ENTPD7: variants seen among roughly 807,000 people sequenced by gnomAD.
The protein encoded by ENTPD7 is ectonucleoside triphosphate diphosphohydrolase 7.
ENTPD7 carries 53 observed loss-of-function variants against 77.9 expected under a neutral mutation model. The observed-to-expected ratio is 0.68, with a 90% confidence interval of 0.55 to 0.85. The LOEUF is 0.85. Among genes scored for constraint, ENTPD7 ranks in the 40% least tolerant of loss-of-function variants. ENTPD7 has a pLI of 0.00. For synonymous variants in ENTPD7, 248 were observed against 274.9 expected (o/e 0.90, Z 0.97); for missense variants, 636 against 743.7 (o/e 0.86, Z 1.68).
chr10:99,706,718 TTTTTC>T lies in ENTPD7; in HGVS notation c.*2040_*2044del, dbSNP rs748733892. On this transcript the variant is annotated 3_prime_UTR_variant, in exon 13 of 13. Transcript: ENST00000370489. ...TTGGTTTTTAAGACTTCTACATTGC[TTTTTC>T]TTTTATTATCTGTGCTCCGTGAACC... Among the ~76,000 whole-genome samples the T allele has an allele frequency of 2.3e-4, 35 of 152,200 alleles. No homozygotes were observed. The highest frequency in any genetic ancestry group is 4.3e-4 in the Non-Finnish European group (29 of 68,024).
rs2036289780 is a variant in ENTPD7 at position 99,708,218 on chromosome 10, G to A, written c.*3535G>A. Among the ~76,000 whole-genome samples, 1 of 150,782 alleles carries A rather than the reference G, an allele frequency of 6.6e-6. No homozygotes were observed. Among genetic ancestry groups the A allele is most frequent in the South Asian group, 2.1e-4 (1 of 4,796 alleles). On this transcript the variant is annotated 3_prime_UTR_variant, in exon 13 of 13. Coordinates refer to ENST00000370489, the MANE Select transcript of ENTPD7 (RefSeq NM_020354.5). Reference sequence around the variant, plus strand: ...AACTTCAAGATCATATCCAGTGATTGCTGAAAAATGTCTGCCATGCACTTG... The same window carrying A: ...AACTTCAAGATCATATCCAGTGATTACTGAAAAATGTCTGCCATGCACTTG...
Position 99,679,800 on chromosome 10 carries a change from A to T in ENTPD7, c.473A>T (p.His158Leu), listed in dbSNP as rs1199205503. The change falls in exon 5 of 13, where the codon CAT becomes CTT. Residue 158 changes from histidine (H) to leucine (L), a missense_variant. Physicochemically the swap from His to Leu is moderately conservative, Grantham distance 99 (BLOSUM62 -3). Coordinates refer to ENST00000370489, the MANE Select transcript of ENTPD7 (RefSeq NM_020354.5). ...CCTCTGCTGAGCTTTGCTGCTGCTC[A>T]TGTGCCTGTGAAGAAGCACAAGGAG... ...LRPLLSFAAA[H>L]VPVKKHKETP... The T allele has an allele frequency of 6.2e-7, 1 of 1,614,108 alleles. No homozygotes were observed. Among genetic ancestry groups the T allele is most frequent in the South Asian group, 1.1e-5 (1 of 91,094 alleles).
At chr10:99,687,197 A>G (rs10748787) in intron 6 of ENTPD7, among the ~76,000 whole-genome samples, 131,645 of 147,638 alleles carry the variant, frequency 0.89, 58,824 homozygotes, top group African/African-American at 0.94. Context: ...TAACAGGCGC[A>G]AGCCACTGCG....
chr10:99,663,424 T>C (rs2035510541), intron 3 of ENTPD7, among the ~76,000 whole-genome samples: 1 of 152,072 alleles, frequency 6.6e-6, no homozygotes, highest in Admixed American at 6.6e-5. Flanking sequence ...AGCAATTTGA[T>C]TGTGATGTGC....
chr10:99,684,028 T>G (rs1454143595), intron 5 of ENTPD7, among the ~76,000 whole-genome samples: 2 of 152,238 alleles, frequency 1.3e-5, no homozygotes, highest in African/African-American at 4.8e-5. Flanking sequence ...GGTCCTGGAT[T>G]GCCCTTTAGA....
chr10:99,660,767 C>A (rs868582527), intron 2 of ENTPD7, among the ~76,000 whole-genome samples: 1 of 151,916 alleles, frequency 6.6e-6, no homozygotes, highest in Non-Finnish European at 1.5e-5. Context: ...ACTAAAAATA[C>A]GAAAATTAGC....
intron 3 of ENTPD7, among the ~76,000 whole-genome samples, chr10:99,678,561 C>G (rs149468441): frequency 5.9e-5 from 9 of 151,442 alleles, no homozygotes; most frequent in African/African-American, 2.2e-4. Context: ...ATTTTTAATG[C>G]AATTCTAGCA....
intron 3 of ENTPD7, among the ~76,000 whole-genome samples, chr10:99,664,923 T>C (rs2035530174): frequency 6.6e-6 from 1 of 152,050 alleles, no homozygotes; most frequent in Non-Finnish European, 1.5e-5. Context: ...CTCTCCTGTC[T>C]GTTGTCCACA....
intron 5 of ENTPD7, among the ~76,000 whole-genome samples, chr10:99,683,582 T>C (rs1590045573): frequency 6.6e-6 from 1 of 152,340 alleles, no homozygotes; most frequent in Admixed American, 6.5e-5. Context: ...CATTTCGCCA[T>C]TTTAAAAGCA....
In ENTPD7 at chr10:99,661,513, C is replaced by T. The variant is rs753602972; in HGVS notation, c.76C>T (p.Arg26Cys). Reference sequence around the variant, plus strand: ...TGTGCCCACAGTGAGTCCATTTCTCCGTCAGCGGGTGGCATTCCTGGGACT... The same window carrying T: ...TGTGCCCACAGTGAGTCCATTTCTCTGTCAGCGGGTGGCATTCCTGGGACT... ...FTVPTVSPFL[R>C]QRVAFLGLFF... Residue 26 changes from arginine to cysteine, a missense_variant, in exon 3 of 13, where the codon CGT becomes TGT. Transcript: ENST00000370489. The T allele has an allele frequency of 1.4e-5, 23 of 1,613,788 alleles. No homozygotes were observed. The highest frequency in any genetic ancestry group is 3.3e-5 in the South Asian group (3 of 91,028).
chr10:99,669,225 A>G (rs1235760426), intron 3 of ENTPD7, among the ~76,000 whole-genome samples: 1 of 152,104 alleles, frequency 6.6e-6, no homozygotes, highest in East Asian at 1.9e-4. Context: ...CTTTAATTAG[A>G]AATGATAGTC....
chr10:99,670,355 A>G (rs1272792602), intron 3 of ENTPD7, among the ~76,000 whole-genome samples: 1 of 152,236 alleles, frequency 6.6e-6, no homozygotes, highest in African/African-American at 2.4e-5. Context: ...GAACATTTTC[A>G]TCATTTCACA....
At chr10:99,686,004 C>A in intron 6 of ENTPD7, 109 bp downstream of exon 6, 1 of 662,094 alleles carries the variant, frequency 1.5e-6, no homozygotes, top group Non-Finnish European at 2.5e-6. Context: ...ATTTTTCTGC[C>A]AATAATTTTC....
intron 11 of ENTPD7, among the ~76,000 whole-genome samples, chr10:99,702,087 G>A (rs1003688593): frequency 6.6e-6 from 1 of 151,998 alleles, no homozygotes; most frequent in African/African-American, 2.4e-5. Flanking sequence ...AACAAAACTA[G>A]AATAGTGTAA....
chr10:99,661,370 T>C, intron 2 of ENTPD7, 76 bp from the exon 3 acceptor site: 1 of 1,338,678 alleles, frequency 7.5e-7, no homozygotes, highest in South Asian at 1.5e-5. Context: ...AGGAGGGTTT[T>C]ATCCAATTTT....
At chr10:99,699,523 TC>T (rs1303231393) in intron 10 of ENTPD7, among the ~76,000 whole-genome samples, 1 of 152,234 alleles carries the variant, frequency 6.6e-6, no homozygotes, top group Non-Finnish European at 1.5e-5. Flanking sequence ...GTTGCGTGTC[TC>T]TATCTTTTTC....
Position 99,688,693 on chromosome 10 carries a change from G to C in ENTPD7, c.653-1G>C. 6.2e-7 allele frequency: 1 copy of C among 1,613,878 alleles called. No homozygotes were observed. The highest frequency in any genetic ancestry group is 8.5e-7 in the Non-Finnish European group (1 of 1,179,876). On this transcript the variant is annotated splice_acceptor_variant, in intron 6 of 12. Coordinates refer to ENST00000370489, the MANE Select transcript of ENTPD7 (RefSeq NM_020354.5). LOFTEE classifies it high-confidence loss of function. ...TGAGGGCTTTTCTGTTTCTTACTTAGGGGTTTATGCATGGATTGGAATCAA... is the reference window on the plus strand; with the variant it reads ...TGAGGGCTTTTCTGTTTCTTACTTACGGGTTTATGCATGGATTGGAATCAA...
At chr10:99,671,020 AAATAAT>A (rs60465828) in intron 3 of ENTPD7, among the ~76,000 whole-genome samples, 1 of 151,520 alleles carries the variant, frequency 6.6e-6, no homozygotes, top group Admixed American at 6.6e-5. Flanking sequence ...CCTGTCTCAA[AAATAAT>A]AATAATAATA....
intron 12 of ENTPD7, 95 bp downstream of exon 12, chr10:99,702,768 A>G (rs1326632801): frequency 8.1e-7 from 1 of 1,230,484 alleles, no homozygotes; most frequent in East Asian, 2.7e-5. Context: ...TAACCAGCTT[A>G]GAATAGGTCT....
Sources: allele counts gnomAD v4.1 joint callset (sites outside exome capture counted in the v4.1 genomes callset), GRCh38; gene constraint gnomAD v4.1.1; transcripts MANE v1.5; gene names NCBI Gene and HGNC (gene_info 2026-07-23, HGNC 2026-07-21).